The following USP12 variants were observed in gnomAD, a reference collection of about 807,000 sequenced individuals.
USP12 encodes ubiquitin carboxyl-terminal hydrolase 12.
USP12 carries 19 observed loss-of-function variants against 45.5 expected under a neutral mutation model. The ratio of observed to expected loss-of-function variants is 0.42; its 90% CI spans 0.29 to 0.61. USP12 has a LOEUF of 0.61. USP12 is among the 20% of genes least tolerant of loss of function. USP12 has a pLI of 0.22. For synonymous variants in USP12, 149 were observed against 148.8 expected (o/e 1.00, Z -0.01); for missense variants, 242 against 447.7 (o/e 0.54, Z 4.15).
chr13:27,099,096 CTG>C (rs1874733535), intron 3 of USP12, among the ~76,000 whole-genome samples: 1 of 152,126 alleles, frequency 6.6e-6, no homozygotes, highest in Non-Finnish European at 1.5e-5. Context: ...TAAAATGTAA[CTG>C]TGGCTTCCTA....
intron 1 of USP12, among the ~76,000 whole-genome samples, chr13:27,161,886 A>T (rs1300564700): frequency 1.8e-5 from 2 of 113,278 alleles, no homozygotes; most frequent in African/African-American, 2.8e-5. Flanking sequence ...TGTCTCAAAA[A>T]ATAAAAAAAA....
At chr13:27,096,400 C>A (rs117628838) in intron 3 of USP12, among the ~76,000 whole-genome samples, 358 of 152,300 alleles carry the variant, frequency 2.4e-3, no homozygotes, top group Non-Finnish European at 3.8e-3. Flanking sequence ...CAGATAATCT[C>A]AAGTCCCTTC....
chr13:27,088,824 C>T (rs1018972591), intron 6 of USP12, among the ~76,000 whole-genome samples: 1 of 152,112 alleles, frequency 6.6e-6, no homozygotes, highest in African/African-American at 2.4e-5. Flanking sequence ...GCTGTGAGCA[C>T]GCTTGGATGT....
chr13:27,102,722 T>G (rs1874929137), intron 3 of USP12, among the ~76,000 whole-genome samples: 1 of 152,224 alleles, frequency 6.6e-6, no homozygotes, highest in South Asian at 2.1e-4. Flanking sequence ...CTGTCCCCTT[T>G]CCCAGTCTTC....
Position 27,097,622 on chromosome 13 carries a change from C to T in USP12, c.344-1792G>A, listed in dbSNP as rs547372076. On this transcript the variant is annotated intron_variant, in intron 3 of 8. Coordinates refer to ENST00000282344, the MANE Select transcript of USP12 (RefSeq NM_182488.4). ...CTATGGTTCTACTTCTAACTGCACG[C>T]GTGGCATAGGCAACTTATTCAAGCT... Among the ~76,000 whole-genome samples, 5 of 152,248 alleles carry T rather than the reference C, an allele frequency of 3.3e-5. No individual in the cohort carries two copies. The East Asian group carries it at 5.8e-4, about 18-fold the overall frequency.
At position 27,095,787 on chromosome 13, in the gene USP12, T is replaced by C. The variant is rs754878332; in HGVS notation, c.387A>G (p.Leu129=). The stretch of plus-strand genomic sequence containing the variant: ...CAGCAATTGTATTTAGTAGGTAATT[T>C]AAGAATTCATGGGCATCTTGTTGCA... ...NYMQQDAHEF[L]NYLLNTIADI... Residue 129 remains leucine (L), a synonymous_variant, in exon 4 of 9, where the codon TTA becomes TTG. Transcript: ENST00000282344. 1.2e-6 allele frequency: 2 copies of C among 1,611,478 alleles called. No homozygotes were observed. Among genetic ancestry groups the C allele is most frequent in the East Asian group, 2.2e-5 (1 of 44,748 alleles).
At chr13:27,074,420 C>G (rs73155864) in intron 7 of USP12, among the ~76,000 whole-genome samples, 35 of 151,928 alleles carry the variant, frequency 2.3e-4, no homozygotes, top group Admixed American at 7.2e-4. Context: ...AAAAAAAATT[C>G]TAATCAGAGA....
chr13:27,171,509 G>T, intron 1 of USP12, 83 bp downstream of exon 1: 1 of 440,018 alleles, frequency 2.3e-6, no homozygotes, highest in Non-Finnish European at 3.1e-6. Context: ...CCCCGCGAGC[G>T]GCCACTGGGA....
chr13:27,117,717 T>C, intron 1 of USP12: 1 of 518,094 alleles, frequency 1.9e-6, no homozygotes, highest in South Asian at 1.4e-5. Context: ...GACCATGGAA[T>C]TGGGAATGGG....
At chr13:27,151,102 G>A (rs2137831320) in intron 1 of USP12, among the ~76,000 whole-genome samples, 1 of 152,248 alleles carries the variant, frequency 6.6e-6, no homozygotes, top group East Asian at 1.9e-4. Context: ...GCCGAGGTGG[G>A]CAGATCACTT....
At chr13:27,151,029 G>A (rs1404326608) in intron 1 of USP12, among the ~76,000 whole-genome samples, 2 of 151,940 alleles carry the variant, frequency 1.3e-5, no homozygotes, top group East Asian at 1.9e-4. Context: ...AAGCATGAAC[G>A]ACAAAAGAAA....
At chr13:27,158,609 GTAGGTAACTGTAA>G (rs982524221) in intron 1 of USP12, among the ~76,000 whole-genome samples, 5 of 152,202 alleles carry the variant, frequency 3.3e-5, no homozygotes, top group African/African-American at 7.2e-5. Flanking sequence ...ACTGGATCCT[GTAGGTAACTGTAA>G]CACAATGGTA....
Position 27,117,889 on chromosome 13 carries a change from G to A in USP12, c.49-1293C>T, listed in dbSNP as rs564649686. Reference sequence around the variant, plus strand: ...AATGTGGCCCTGAGCACCATGGTGGGGGATGACACACAAGCAGATACAACT... The same window carrying A: ...AATGTGGCCCTGAGCACCATGGTGGAGGATGACACACAAGCAGATACAACT... On this transcript the variant is annotated intron_variant, in intron 1 of 8. Transcript: ENST00000282344. 22 of 511,310 alleles carry A rather than the reference G, an allele frequency of 4.3e-5. No individual in the cohort carries two copies. The East Asian group carries it at 1.0e-3, about 24-fold the overall frequency. The allele number at this position is 511,310 out of a possible 1,614,324, so 31.7% of individuals were successfully genotyped here.
In USP12 at chr13:27,068,927, G is replaced by A; in HGVS notation, c.*356C>T. 1 of 297,022 alleles carries A rather than the reference G, an allele frequency of 3.4e-6. No individual in the cohort carries two copies. The allele number at this position is 297,022 out of a possible 1,614,324, so 18.4% of individuals were successfully genotyped here. ...ATCATCTCCTTATCAATACGGCACAGATTCCGATTCTTTCTACTGCACCCC... is the reference window on the plus strand; with the variant it reads ...ATCATCTCCTTATCAATACGGCACAAATTCCGATTCTTTCTACTGCACCCC... On this transcript the variant is annotated 3_prime_UTR_variant, in exon 9 of 9. Coordinates refer to ENST00000282344, the MANE Select transcript of USP12 (RefSeq NM_182488.4).
At chr13:27,124,110 A>G (rs1411956027) in intron 1 of USP12, among the ~76,000 whole-genome samples, 1 of 152,256 alleles carries the variant, frequency 6.6e-6, no homozygotes, top group Non-Finnish European at 1.5e-5. Context: ...TAATTTTTAC[A>G]TAGTCAATCA....
intron 4 of USP12, among the ~76,000 whole-genome samples, chr13:27,094,661 A>G (rs146354441): frequency 6.6e-6 from 1 of 152,192 alleles, no homozygotes; most frequent in African/African-American, 2.4e-5. Context: ...TGAATGCATA[A>G]CCTGCATCTA....
intron 3 of USP12, among the ~76,000 whole-genome samples, chr13:27,105,232 C>T (rs912558544): frequency 1.3e-5 from 2 of 152,140 alleles, no homozygotes; most frequent in African/African-American, 4.8e-5. Context: ...CTACCCTAAG[C>T]CAAAAGGTCT....
At chr13:27,170,049 A>G in intron 1 of USP12, 1 of 339,812 alleles carries the variant, frequency 2.9e-6, no homozygotes, top group Non-Finnish European at 5.3e-6. Context: ...GAAATTGACT[A>G]AGATAATAAT....
chr13:27,069,422 C>A, intron 8 of USP12, 38 bp from the exon 9 acceptor site: 1 of 1,435,472 alleles, frequency 7.0e-7, no homozygotes, highest in Non-Finnish European at 9.8e-7. Context: ...CATAAATGAG[C>A]TCTGTACAGC....
Sources: allele counts gnomAD v4.1 joint callset (sites outside exome capture counted in the v4.1 genomes callset), GRCh38; gene constraint gnomAD v4.1.1; transcripts MANE v1.5; gene names NCBI Gene and HGNC (gene_info 2026-07-23, HGNC 2026-07-21).